The following NSDHL variants were observed in gnomAD, a reference collection of about 807,000 sequenced individuals.
The protein encoded by NSDHL is NAD(P) dependent 3-beta-hydroxysteroid dehydrogenase NSDHL, also known as sterol-4-alpha-carboxylate 3-dehydrogenase, decarboxylating.
NSDHL carries 1 observed loss-of-function variant against 23.0 expected under a neutral mutation model. The observed-to-expected ratio is 0.04, with a 90% CI of 0.02 to 0.21. NSDHL has a LOEUF of 0.21. Among genes scored for constraint, NSDHL ranks in the 10% least tolerant of loss-of-function variants. NSDHL has a pLI of 1.00. For missense variants in NSDHL, 237 were observed against 300.9 expected, an observed-to-expected ratio of 0.79 and a Z score of 1.57; for synonymous variants, 128 against 121.1, an observed-to-expected ratio of 1.06 and a Z score of -0.37.
chrX:152,834,357 G>A (rs1933059527), intron 1 of NSDHL, among the ~76,000 whole-genome samples: 1 of 112,799 alleles, frequency 8.9e-6, no homozygotes, highest in Non-Finnish European at 1.9e-5. Context: ...AAAAGCTGGC[G>A]ACTTTTTTTG....
intron 1 of NSDHL, among the ~76,000 whole-genome samples, chrX:152,839,173 A>G (rs1933150993): frequency 9.0e-6 from 1 of 110,517 alleles, no homozygotes; most frequent in South Asian, 3.8e-4. Flanking sequence ...TCATCCCTTT[A>G]TTTTGAGCCT....
At chrX:152,848,269 T>C (rs1418719873) in intron 2 of NSDHL, among the ~76,000 whole-genome samples, 4 of 112,122 alleles carry the variant, frequency 3.6e-5, no homozygotes, top group Non-Finnish European at 7.5e-5. Context: ...TGATTGTTAG[T>C]ACATGTTCAT....
At position 152,837,691 on chromosome X, in the gene NSDHL, A is replaced by G. The variant is rs1173129147; in HGVS notation, c.-44+6574A>G. ...AGCTTTTTGACATGCTACTGGATTC[A>G]GTTTGCCAGTATTTTATTGAGGATT... On this transcript the variant is annotated intron_variant, in intron 1 of 7. Transcript: ENST00000370274. Among the ~76,000 whole-genome samples, 7 of 112,024 alleles carry G rather than the reference A, an allele frequency of 6.2e-5. 1 individual carries two copies. The highest frequency in any genetic ancestry group is 9.1e-3 in the Middle Eastern group (2 of 219).
chrX:152,857,190 C>T (rs984282720), intron 3 of NSDHL, among the ~76,000 whole-genome samples: 2 of 112,614 alleles, frequency 1.8e-5, no homozygotes, highest in African/African-American at 6.5e-5. Flanking sequence ...TAGAATGTCA[C>T]CATTTTATAC....
chrX:152,869,355 T>C lies in NSDHL; in HGVS notation c.*239T>C, dbSNP rs948739695. On this transcript the variant is annotated 3_prime_UTR_variant, in exon 8 of 8. Transcript: ENST00000370274. ...GGCAGCTTCATATTATACCGATTTG[T>C]TCTCTGTCTTTTTGTGTCTCTCTGT... is the stretch of plus-strand genomic sequence containing the variant. The C allele has an allele frequency of 2.4e-6, 1 of 424,380 alleles. No homozygotes were observed. Among genetic ancestry groups the C allele is most frequent in the Non-Finnish European group, 4.2e-6 (1 of 238,434 alleles). The allele number at this position is 424,380 out of a possible 1,213,427, so 35.0% of individuals were successfully genotyped here. A position where few individuals can be genotyped will look rare whatever the true frequency, so the allele number is the denominator to read the frequency against.
chrX:152,864,280 C>G, intron 5 of NSDHL, among the ~76,000 whole-genome samples: 1 of 112,447 alleles, frequency 8.9e-6, no homozygotes, highest in East Asian at 2.8e-4. Flanking sequence ...GCCACCCAGA[C>G]CAGGGGTGGA....
At chrX:152,833,006 A>G (rs782782008) in intron 1 of NSDHL, among the ~76,000 whole-genome samples, 4 of 110,942 alleles carry the variant, frequency 3.6e-5, no homozygotes, top group African/African-American at 9.9e-5. Flanking sequence ...TTCTCAGCAT[A>G]CTCATCAGGA....
chrX:152,850,636 A>G (rs1933342100), intron 3 of NSDHL, among the ~76,000 whole-genome samples: 1 of 112,546 alleles, frequency 8.9e-6, no homozygotes, highest in Non-Finnish European at 1.9e-5. Context: ...TGGTAGCACA[A>G]AAGCAGCCAT....
In NSDHL at chrX:152,846,262, T is replaced by A. The variant is rs1255039192; in HGVS notation, c.-43-20T>A. On this transcript the variant is annotated intron_variant, in intron 1 of 7. Coordinates refer to ENST00000370274, the MANE Select transcript of NSDHL (RefSeq NM_015922.3). The stretch of plus-strand genomic sequence containing the variant: ...TTGACTTAGGCAACATTAATGTCTG[T>A]CTCTAACTATGTCTTTAAGAAAAGA... 3 of 844,759 alleles carry A rather than the reference T, an allele frequency of 3.6e-6. No individual in the cohort carries two copies. Among genetic ancestry groups the A allele is most frequent in the Non-Finnish European group, 5.4e-6 (3 of 559,971 alleles). The allele number at this position is 844,759 out of a possible 1,213,427, so 69.6% of individuals were successfully genotyped here.
chrX:152,833,158 T>C (rs782472234), intron 1 of NSDHL, among the ~76,000 whole-genome samples: 1 of 109,865 alleles, frequency 9.1e-6, no homozygotes, highest in South Asian at 3.8e-4. Flanking sequence ...ATACATGTAA[T>C]GTACAAAATA....
intron 1 of NSDHL, among the ~76,000 whole-genome samples, chrX:152,844,241 A>G (rs1556845249): frequency 8.9e-6 from 1 of 112,514 alleles, no homozygotes; most frequent in African/African-American, 3.2e-5. Context: ...GTTCTTTTAA[A>G]TAACTCCCCC....
intron 4 of NSDHL, among the ~76,000 whole-genome samples, chrX:152,861,807 A>T (rs1933533431): frequency 8.9e-6 from 1 of 112,750 alleles, no homozygotes. Context: ...ATATAAGACG[A>T]GTTAATTTTT....
At position 152,867,678 on chromosome X, in the gene NSDHL, G is replaced by C. The variant is rs782044447; in HGVS notation, c.789+5G>C. 1.9e-5 allele frequency: 22 copies of C among 1,163,560 alleles called. No individual in the cohort carries two copies. The highest frequency in any genetic ancestry group is 2.5e-5 in the Non-Finnish European group (21 of 851,433). On this transcript the variant is annotated splice_donor_5th_base_variant and intron_variant, in intron 7 of 7. Transcript: ENST00000370274. ...GACTCGACACTGGGTGGGAAGGTAAGGCCTGCTGCACCGGTCCCTGCACAG... is the reference window on the plus strand; with the variant it reads ...GACTCGACACTGGGTGGGAAGGTAACGCCTGCTGCACCGGTCCCTGCACAG...
In NSDHL at chrX:152,831,868, G is replaced by A. The variant is rs182066306; in HGVS notation, c.-44+751G>A. 2.7e-5 allele frequency among the ~76,000 whole-genome samples: 3 copies of A among 111,346 alleles called. No homozygotes were observed. The East Asian group carries it at 8.5e-4, about 32-fold the overall frequency. Reference sequence around the variant, plus strand: ...GGGCAGTAATCTAGGGAGACAGAGGGCAGAGAGTAAGTTTCTCAGACAGAG... The same window carrying A: ...GGGCAGTAATCTAGGGAGACAGAGGACAGAGAGTAAGTTTCTCAGACAGAG... On this transcript the variant is annotated intron_variant, in intron 1 of 7. Transcript: ENST00000370274.
intron 5 of NSDHL, among the ~76,000 whole-genome samples, chrX:152,864,758 T>G (rs1301039806): frequency 8.9e-6 from 1 of 111,736 alleles, no homozygotes; most frequent in Non-Finnish European, 1.9e-5. Flanking sequence ...ATTTGAGGGT[T>G]TATTTAGTCA....
At position 152,867,658 on chromosome X, in the gene NSDHL, G is replaced by A. The variant is rs782352954; in HGVS notation, c.774G>A (p.Ser258=). The change falls in exon 7 of 8, where the codon TCG becomes TCA. Residue 258 remains serine (S), a synonymous_variant. Coordinates refer to ENST00000370274, the MANE Select transcript of NSDHL (RefSeq NM_015922.3). The part of the protein sequence containing the change: ...ILAAEQLSRD[S]TLGGKAFHIT... ...CGGCAGAGCAGCTCTCCCGAGACTC[G>A]ACACTGGGTGGGAAGGTAAGGCCTG... The A allele has an allele frequency of 8.4e-6, 10 of 1,197,575 alleles. No individual in the cohort carries two copies. The highest frequency in any genetic ancestry group is 6.5e-5 in the Admixed American group (3 of 46,078).
Position 152,868,837 on chromosome X carries a change from C to T in NSDHL, c.843C>T (p.Arg281=), listed in dbSNP as rs1556848454. 1.7e-6 allele frequency: 2 copies of T among 1,209,736 alleles called. No individual in the cohort carries two copies. The highest frequency in any genetic ancestry group is 2.2e-5 in the Admixed American group (1 of 45,868). The change falls in exon 8 of 8, where the codon CGC becomes CGT. Residue 281 remains arginine, a synonymous_variant. Transcript: ENST00000370274. The part of the protein sequence containing the change: ...EPIPFWTFLS[R]ILTGLNYEAP... ...TCCCTTTCTGGACATTCCTGTCTCG[C>T]ATCCTGACAGGCCTCAATTATGAGG...
intron 1 of NSDHL, among the ~76,000 whole-genome samples, chrX:152,835,628 C>A (rs1341324387): frequency 9.0e-6 from 1 of 111,278 alleles, no homozygotes; most frequent in Non-Finnish European, 1.9e-5. Flanking sequence ...AGGACATGAA[C>A]TCATCATTTT....
At position 152,867,419 on chromosome X, in the gene NSDHL, C is replaced by T. The variant is rs1448990241; in HGVS notation, c.687-152C>T. 7.8e-6 allele frequency: 4 copies of T among 512,219 alleles called. No individual in the cohort carries two copies. In the East Asian group the frequency reaches 1.1e-4, roughly 14 times the overall value. 42.2% of individuals were successfully genotyped at this position (512,219 alleles called of 1,213,427 possible). ...GCCCAGTGTACATCTTTAACCAGTA[C>T]AGGCATCCATGAGTGCCTGGGCCGG... On this transcript the variant is annotated intron_variant, in intron 6 of 7. Coordinates refer to ENST00000370274, the MANE Select transcript of NSDHL (RefSeq NM_015922.3).
Sources: gnomAD v4.1 joint callset for allele counts (sites outside exome capture counted in the v4.1 genomes callset) on GRCh38, gnomAD v4.1.1 for gene constraint, MANE v1.5 for transcripts, NCBI Gene and HGNC (gene_info 2026-07-23, HGNC 2026-07-21) for gene names.